Variants in ARHGAP17 observed in about 807,000 individuals in gnomAD.
ARHGAP17 encodes rho GTPase-activating protein 17.
In ARHGAP17, 57 loss-of-function variants were observed where a neutral mutation model predicts 99.5. That is an observed-to-expected ratio of 0.57 (90% CI 0.46 to 0.71). The LOEUF is 0.71. Ranked by LOEUF, ARHGAP17 falls within the 30% of genes least tolerant of loss-of-function variation. ARHGAP17 has a pLI of 0.00. For missense variants in ARHGAP17, 1,000 were observed against 1,122.4 expected, an observed-to-expected ratio of 0.89 and a Z score of 1.56; for synonymous variants, 417 against 429.6, an observed-to-expected ratio of 0.97 and a Z score of 0.36.
At chr16:24,920,425 T>A in intron 19 of ARHGAP17, 165 bp from the exon 20 acceptor site, 1 of 780,878 alleles carries the variant, frequency 1.3e-6, no homozygotes, top group Non-Finnish European at 2.0e-6. Flanking sequence ...AAGTGAAGCC[T>A]TTGTGACCCC....
At chr16:24,929,643 G>A (rs1257384717) in intron 19 of ARHGAP17, 1 of 987,820 alleles carries the variant, frequency 1.0e-6, no homozygotes, top group African/African-American at 1.7e-5. Flanking sequence ...CCACCTGTGA[G>A]GGCACTAGGA....
At chr16:24,959,637 G>C (rs1479573915) in intron 9 of ARHGAP17, 34 bp downstream of exon 9, 1 of 1,603,768 alleles carries the variant, frequency 6.2e-7, no homozygotes. Context: ...GCAGAGGCAA[G>C]AAGGAAGCAT....
chr16:25,008,986 T>C (rs888342974), intron 1 of ARHGAP17, among the ~76,000 whole-genome samples: 2 of 152,224 alleles, frequency 1.3e-5, no homozygotes, highest in South Asian at 2.1e-4. Context: ...CCCTGCTCTA[T>C]GGAGAGGTTG....
chr16:24,959,858 A>C (rs2051930674), intron 8 of ARHGAP17, 53 bp downstream of exon 8: 1 of 1,607,452 alleles, frequency 6.2e-7, no homozygotes, highest in South Asian at 1.1e-5. Flanking sequence ...AAAAAAGCTA[A>C]AATGACTCCA....
At chr16:24,962,313 C>T (rs1049274584) in intron 7 of ARHGAP17, among the ~76,000 whole-genome samples, 7 of 152,104 alleles carry the variant, frequency 4.6e-5, no homozygotes, top group Admixed American at 1.3e-4. Context: ...AACAAGTACA[C>T]ATATATCATG....
At chr16:24,937,438 A>G (rs895470491) in intron 17 of ARHGAP17, among the ~76,000 whole-genome samples, 8 of 152,026 alleles carry the variant, frequency 5.3e-5, no homozygotes, top group Non-Finnish European at 1.0e-4. Context: ...TAAATTAATA[A>G]ATAAAAATAA....
At chr16:24,999,431 T>A (rs375896200) in intron 1 of ARHGAP17, among the ~76,000 whole-genome samples, 2 of 116,588 alleles carry the variant, frequency 1.7e-5, no homozygotes, top group Non-Finnish European at 4.0e-5. Context: ...TTATTTATTT[T>A]TTAGAGATGG....
intron 1 of ARHGAP17, among the ~76,000 whole-genome samples, chr16:24,990,994 C>A (rs1255362541): frequency 6.6e-6 from 1 of 152,114 alleles, no homozygotes; most frequent in Admixed American, 6.6e-5. Context: ...GTGCATGATT[C>A]ACAACTGGCT....
chr16:24,996,102 A>T (rs998512042), intron 1 of ARHGAP17, among the ~76,000 whole-genome samples: 1 of 152,078 alleles, frequency 6.6e-6, no homozygotes, highest in African/African-American at 2.4e-5. Flanking sequence ...ATTTCAGTGA[A>T]TTTTATTTTT....
In ARHGAP17 at chr16:24,959,690, G is replaced by C. The variant is rs200577018; in HGVS notation, c.705C>G (p.Pro235=). ...CATTACCTTGATGGGCTCGCATTTCGGGGAGGGTCTTTTCTAAGACTGCTA... is the reference window on the plus strand; with the variant it reads ...CATTACCTTGATGGGCTCGCATTTCCGGGAGGGTCTTTTCTAAGACTGCTA... The part of the protein sequence containing the change: ...KALAVLEKTL[P]EMRAHQDKWA... The change falls in exon 9 of 20, where the codon CCC becomes CCG. Residue 235 remains proline, a synonymous_variant. Transcript: ENST00000289968. 1.9e-6 allele frequency: 3 copies of C among 1,614,038 alleles called. No homozygotes were observed. Among genetic ancestry groups the C allele is most frequent in the South Asian group, 1.1e-5 (1 of 91,062 alleles).
chr16:24,980,551 T>C (rs796939542), intron 1 of ARHGAP17, among the ~76,000 whole-genome samples: 21 of 152,216 alleles, frequency 1.4e-4, no homozygotes, highest in African/African-American at 5.1e-4. Flanking sequence ...TAGACCTTGC[T>C]TGGCAAGCAA....
At chr16:24,946,323 G>C (rs984456945) in intron 14 of ARHGAP17, among the ~76,000 whole-genome samples, 4 of 151,476 alleles carry the variant, frequency 2.6e-5, no homozygotes, top group African/African-American at 9.7e-5. Context: ...CAAGTTTCAC[G>C]AAGCCACGTG....
At chr16:24,933,313 C>T (rs930575785) in intron 18 of ARHGAP17, among the ~76,000 whole-genome samples, 5 of 151,540 alleles carry the variant, frequency 3.3e-5, no homozygotes, top group African/African-American at 7.3e-5. Context: ...AGTGAGACCC[C>T]GACTCTACAA....
intron 13 of ARHGAP17, 176 bp downstream of exon 13, chr16:24,949,228 A>G: frequency 5.8e-6 from 3 of 514,762 alleles, no homozygotes; most frequent in South Asian, 6.1e-5. Flanking sequence ...CAAATTCATC[A>G]TAATATACAT....
intron 1 of ARHGAP17, among the ~76,000 whole-genome samples, chr16:24,982,424 T>G (rs2141376010): frequency 6.6e-6 from 1 of 151,698 alleles, no homozygotes; most frequent in South Asian, 2.1e-4. Flanking sequence ...AAAAAAAATG[T>G]GTAGAAAAAA....
intron 3 of ARHGAP17, among the ~76,000 whole-genome samples, chr16:24,972,283 C>T (rs2052389771): frequency 6.6e-6 from 1 of 152,154 alleles, no homozygotes; most frequent in African/African-American, 2.4e-5. Context: ...TTTGTATATT[C>T]TGAATTTTGA....
chr16:24,996,994 T>C lies in ARHGAP17; in HGVS notation c.54-17989A>G, dbSNP rs13332378. Reference sequence around the variant, plus strand: ...AAGTTACTCAATCTCCCTGTGCTTCTGGTTCCCACCTATAAAAGGGATAAC... The same window carrying C: ...AAGTTACTCAATCTCCCTGTGCTTCCGGTTCCCACCTATAAAAGGGATAAC... On this transcript the variant is annotated intron_variant, in intron 1 of 19. Coordinates refer to ENST00000289968, the MANE Select transcript of ARHGAP17 (RefSeq NM_001006634.3). Among the ~76,000 whole-genome samples the C allele has an allele frequency of 4.2e-3, 639 of 152,338 alleles. 7 individuals are homozygous for C. Among genetic ancestry groups the C allele is most frequent in the African/African-American group, 0.015 (615 of 41,582 alleles).
At chr16:24,930,548 G>A (rs1029816087) in intron 19 of ARHGAP17, 8 of 781,616 alleles carry the variant, frequency 1.0e-5, no homozygotes, top group Middle Eastern at 2.7e-4. Context: ...CTTTGGTCAC[G>A]ACTACCCAGC....
At chr16:24,987,841 G>A (rs2052920504) in intron 1 of ARHGAP17, among the ~76,000 whole-genome samples, 1 of 152,188 alleles carries the variant, frequency 6.6e-6, no homozygotes, top group Admixed American at 6.5e-5. Flanking sequence ...CATTTTCAAT[G>A]CTAGTTACCA....
Sources: allele counts gnomAD v4.1 joint callset (sites outside exome capture counted in the v4.1 genomes callset), GRCh38; gene constraint gnomAD v4.1.1; transcripts MANE v1.5; gene names NCBI Gene and HGNC (gene_info 2026-07-23, HGNC 2026-07-21).